ROR1: variants seen among roughly 807,000 people sequenced by gnomAD.
The protein encoded by ROR1 is inactive tyrosine-protein kinase transmembrane receptor ROR1.
Under a neutral mutation model 78.8 loss-of-function variants are expected in ROR1, and 19 were observed. The ratio of observed to expected loss-of-function variants is 0.24; its 90% CI spans 0.17 to 0.35. The LOEUF is 0.35. ROR1 is among the 10% of genes least tolerant of loss of function. The pLI, the probability that ROR1 is intolerant of heterozygous loss-of-function variation, is 1.00. For missense variants in ROR1, 917 were observed against 1,177.8 expected (o/e 0.78, Z 3.24); for synonymous variants, 386 against 433.6 (o/e 0.89, Z 1.36).
chr1:63,845,391 A>C (rs902573177), intron 1 of ROR1, among the ~76,000 whole-genome samples: 1 of 152,174 alleles, frequency 6.6e-6, no homozygotes, highest in African/African-American at 2.4e-5. Flanking sequence ...AAACAAAAAA[A>C]CCTGAACTAA....
intron 1 of ROR1, among the ~76,000 whole-genome samples, chr1:63,800,743 C>T (rs1364061894): frequency 6.6e-6 from 1 of 152,188 alleles, no homozygotes; most frequent in Non-Finnish European, 1.5e-5. Flanking sequence ...GGTAATTCAT[C>T]TGCACATTAA....
Position 64,030,518 on chromosome 1 carries a change from A to C in ROR1, c.164-19173A>C, listed in dbSNP as rs1007002974. 5.9e-5 allele frequency among the ~76,000 whole-genome samples: 9 copies of C among 152,344 alleles called. No individual in the cohort carries two copies. In the South Asian group the frequency reaches 1.7e-3, roughly 28 times the overall value. On this transcript the variant is annotated intron_variant, in intron 2 of 8. Transcript: ENST00000371079. ...AAAACCACATTTCCAAAAAGTGTAA[A>C]GATCTGATATAAGATCATGTAGCCT...
intron 1 of ROR1, among the ~76,000 whole-genome samples, chr1:63,823,665 C>T (rs1451935318): frequency 1.3e-5 from 2 of 151,934 alleles, no homozygotes; most frequent in African/African-American, 4.8e-5. Flanking sequence ...GTTGCACAGG[C>T]TGGTCCTGAA....
chr1:63,953,490 A>G (rs140440717), intron 1 of ROR1, among the ~76,000 whole-genome samples: 189 of 152,296 alleles, frequency 1.2e-3, no homozygotes, highest in African/African-American at 4.3e-3. Context: ...CTCTCTCTCA[A>G]AAGATTGTTA....
At chr1:64,042,351 A>G (rs1203602885) in intron 2 of ROR1, among the ~76,000 whole-genome samples, 3 of 152,174 alleles carry the variant, frequency 2.0e-5, no homozygotes, top group African/African-American at 7.2e-5. Flanking sequence ...CCTAATGGGT[A>G]GGTATCATTA....
chr1:64,001,290 A>C (rs749946950), intron 1 of ROR1, among the ~76,000 whole-genome samples: 1 of 152,350 alleles, frequency 6.6e-6, no homozygotes, highest in Non-Finnish European at 1.5e-5. Flanking sequence ...TGAAACAACA[A>C]AATTATAGCA....
chr1:63,972,237 G>A (rs1646124992), intron 1 of ROR1, among the ~76,000 whole-genome samples: 1 of 151,998 alleles, frequency 6.6e-6, no homozygotes, highest in East Asian at 1.9e-4. Context: ...CTTTTATTTA[G>A]ACCTTAAAAC....
intron 2 of ROR1, among the ~76,000 whole-genome samples, chr1:64,019,474 G>A (rs1646547179): frequency 6.6e-6 from 1 of 152,106 alleles, no homozygotes; most frequent in Admixed American, 6.5e-5. Flanking sequence ...CTAAGCACAA[G>A]CCCCAGAACT....
chr1:64,127,954 G>A (rs1648772029), intron 4 of ROR1, among the ~76,000 whole-genome samples: 1 of 152,134 alleles, frequency 6.6e-6, no homozygotes, highest in South Asian at 2.1e-4. Context: ...GCCTTTTGCA[G>A]CCTTTGGAGG....
At chr1:64,056,333 A>G (rs997176514) in intron 4 of ROR1, among the ~76,000 whole-genome samples, 15 of 149,620 alleles carry the variant, frequency 1.0e-4, no homozygotes, top group Non-Finnish European at 1.2e-4. Context: ...GCTCTCCAAC[A>G]CTTATTTTCC....
At chr1:64,077,191 C>G (rs1230119642) in intron 4 of ROR1, among the ~76,000 whole-genome samples, 2 of 152,176 alleles carry the variant, frequency 1.3e-5, no homozygotes, top group African/African-American at 4.8e-5. Flanking sequence ...AAAAACATTT[C>G]AAGTATATGT....
chr1:63,874,120 A>T (rs1645268465), intron 1 of ROR1, among the ~76,000 whole-genome samples: 1 of 152,120 alleles, frequency 6.6e-6, no homozygotes, highest in Admixed American at 6.6e-5. Flanking sequence ...TATTATTGAG[A>T]TATGTTCATG....
chr1:64,152,637 T>A (rs1015808729), intron 7 of ROR1, among the ~76,000 whole-genome samples: 5 of 152,244 alleles, frequency 3.3e-5, no homozygotes, highest in African/African-American at 1.2e-4. Context: ...ACAAGATCTT[T>A]AACCTTAAAG....
In ROR1 at chr1:64,031,595, A is replaced by G. The variant is rs374768135; in HGVS notation, c.164-18096A>G. On this transcript the variant is annotated intron_variant, in intron 2 of 8. Coordinates refer to ENST00000371079, the MANE Select transcript of ROR1 (RefSeq NM_005012.4). ...CAAATGGATCCCAGTTGGGAAGTTT[A>G]TGAATGTTAAGGATAGTTGCTCATT... Among the ~76,000 whole-genome samples the G allele has an allele frequency of 1.6e-4, 24 of 152,362 alleles. 1 individual carries two copies. The highest frequency in any genetic ancestry group is 4.6e-4 in the African/African-American group (19 of 41,586).
Position 63,905,689 on chromosome 1 carries a change from A to G in ROR1, c.92-103616A>G, listed in dbSNP as rs530260336. On this transcript the variant is annotated intron_variant, in intron 1 of 8. Transcript: ENST00000371079. ...GCATACATGGTAATAGACATGCACC[A>G]TCATGGAAAAGCTCATCCTATTGAC... is the stretch of plus-strand genomic sequence containing the variant. 4.6e-5 allele frequency among the ~76,000 whole-genome samples: 7 copies of G among 152,346 alleles called. No homozygotes were observed. The East Asian group carries it at 1.3e-3, about 29-fold the overall frequency.
At chr1:64,070,676 G>A (rs1364850431) in intron 4 of ROR1, among the ~76,000 whole-genome samples, 2 of 152,128 alleles carry the variant, frequency 1.3e-5, no homozygotes, top group African/African-American at 2.4e-5. Context: ...AGGAATCCTT[G>A]TGGGGGTTCA....
intron 1 of ROR1, among the ~76,000 whole-genome samples, chr1:63,887,408 A>G (rs1461962758): frequency 1.3e-5 from 2 of 152,184 alleles, no homozygotes; most frequent in African/African-American, 2.4e-5. Context: ...CTGTTGAGGT[A>G]TAATTAATAT....
chr1:64,163,522 G>A (rs1469671742), intron 8 of ROR1, among the ~76,000 whole-genome samples: 2 of 152,136 alleles, frequency 1.3e-5, no homozygotes, highest in African/African-American at 2.4e-5. Context: ...CCCATGAGTC[G>A]AACTCCTGCA....
At chr1:63,913,396 C>T (rs900525774) in intron 1 of ROR1, among the ~76,000 whole-genome samples, 136 of 152,026 alleles carry the variant, frequency 8.9e-4, no homozygotes, top group African/African-American at 3.2e-3. Context: ...GATCTCTGTA[C>T]TCAACCTTGG....
Sources: allele counts gnomAD v4.1 joint callset (sites outside exome capture counted in the v4.1 genomes callset), GRCh38; gene constraint gnomAD v4.1.1; transcripts MANE v1.5; gene names NCBI Gene and HGNC (gene_info 2026-07-23, HGNC 2026-07-21).